Variants in EPHA5 observed in about 807,000 individuals in gnomAD.
EPHA5 encodes ephrin type-A receptor 5.
A neutral mutation model predicts 105.0 loss-of-function variants in EPHA5; 60 were observed. The ratio of observed to expected loss-of-function variants is 0.57; its 90% CI spans 0.46 to 0.71. The LOEUF (loss-of-function observed/expected upper bound fraction) is 0.71, where lower values mean the gene tolerates loss of function less well. Among genes scored for constraint, EPHA5 ranks in the 30% least tolerant of loss-of-function variants. The pLI, the probability that EPHA5 is intolerant of heterozygous loss-of-function variation, is 0.00. For missense variants in EPHA5, 1,218 were observed against 1,274.7 expected (o/e 0.96, Z 0.68); for synonymous variants, 513 against 449.1 (o/e 1.14, Z -1.80).
chr4:65,556,320 AT>A (rs1374016692), intron 3 of EPHA5, among the ~76,000 whole-genome samples: 3 of 152,162 alleles, frequency 2.0e-5, no homozygotes, highest in African/African-American at 7.2e-5. Context: ...GCCAGGGGCA[AT>A]TCACCCTCTC....
At chr4:65,478,646 AT>A (rs1730060512) in intron 5 of EPHA5, among the ~76,000 whole-genome samples, 1 of 151,986 alleles carries the variant, frequency 6.6e-6, no homozygotes, top group Admixed American at 6.6e-5. Flanking sequence ...TAATTTTTGT[AT>A]TTTTAGTAGA....
At chr4:65,511,680 G>T (rs953441167) in intron 3 of EPHA5, among the ~76,000 whole-genome samples, 4 of 152,110 alleles carry the variant, frequency 2.6e-5, no homozygotes. Flanking sequence ...GAAAAGTTTT[G>T]TAAATCTTAG....
chr4:65,492,993 G>GTT (rs4075740), intron 4 of EPHA5, among the ~76,000 whole-genome samples: 3 of 150,020 alleles, frequency 2.0e-5, no homozygotes, highest in African/African-American at 4.9e-5. Context: ...GTTTTGTTTT[G>GTT]TTTTTTAATT....
rs575608289 is a variant in EPHA5, at chr4:65,418,862, C to CTTTTT, written c.1527+1574_1527+1578dup. Reference sequence around the variant, plus strand: ...AACATTCAATACACTTACCTAAACTCTTTTTTTTTTTTTTTTTTTTTTTTT... The same window carrying CTTTTT: ...AACATTCAATACACTTACCTAAACTCTTTTTTTTTTTTTTTTTTTTTTTTTTTTTT... On this transcript the variant is annotated intron_variant, in intron 6 of 16. Coordinates refer to ENST00000613740, the MANE Select transcript of EPHA5 (RefSeq NM_001281766.3). Among the ~76,000 whole-genome samples the CTTTTT allele has an allele frequency of 3.4e-3, 158 of 47,082 alleles. 18 individuals are homozygous for CTTTTT. Among genetic ancestry groups the CTTTTT allele is most frequent in the African/African-American group, 6.9e-3 (63 of 9,090 alleles). 30.9% of individuals were successfully genotyped at this position (47,082 alleles called of 152,430 possible).
At chr4:65,565,450 C>T (rs1202361439) in intron 3 of EPHA5, among the ~76,000 whole-genome samples, 2 of 151,540 alleles carry the variant, frequency 1.3e-5, no homozygotes, top group Non-Finnish European at 3.0e-5. Flanking sequence ...AAATGTTTTT[C>T]AGTAAAATTT....
chr4:65,352,850 G>T (rs961227179), intron 12 of EPHA5, among the ~76,000 whole-genome samples, 192 bp downstream of exon 12: 3 of 147,372 alleles, frequency 2.0e-5, no homozygotes, highest in Non-Finnish European at 4.5e-5. Context: ...TTGGATTTGT[G>T]TGAGTTTTCT....
chr4:65,604,527 G>A (rs1396654981), intron 2 of EPHA5, among the ~76,000 whole-genome samples: 2 of 152,020 alleles, frequency 1.3e-5, no homozygotes, highest in East Asian at 3.8e-4. Context: ...AATAATTATG[G>A]CCATAAGCCA....
At chr4:65,357,933 G>T (rs538951539) in intron 11 of EPHA5, among the ~76,000 whole-genome samples, 1 of 151,286 alleles carries the variant, frequency 6.6e-6, no homozygotes, top group Non-Finnish European at 1.5e-5. Context: ...AGAATATGCC[G>T]TTCCTGGTAA....
chr4:65,351,387 A>C lies in EPHA5; in HGVS notation c.2445+2T>G. 6.2e-7 allele frequency: 1 copy of C among 1,613,324 alleles called. No homozygotes were observed. Among genetic ancestry groups the C allele is most frequent in the Non-Finnish European group, 8.5e-7 (1 of 1,179,520 alleles). On this transcript the variant is annotated splice_donor_variant, in intron 13 of 16. Transcript: ENST00000613740. LOFTEE classifies it high-confidence loss of function. ...TTAGAAATGCACTCTGTTAGATCTT[A>C]CCCTTGTGGTGTAGGCTGCCTCGGG...
At chr4:65,619,387 C>T (rs757226200) in intron 2 of EPHA5, among the ~76,000 whole-genome samples, 18 of 151,996 alleles carry the variant, frequency 1.2e-4, no homozygotes, top group Non-Finnish European at 1.9e-4. Context: ...TACATTTAGG[C>T]ATTTTTAAAA....
At chr4:65,449,501 T>C (rs981091106) in intron 5 of EPHA5, among the ~76,000 whole-genome samples, 3 of 152,130 alleles carry the variant, frequency 2.0e-5, no homozygotes, top group African/African-American at 4.8e-5. Flanking sequence ...AAGATTGTCA[T>C]AGAACAAGAA....
chr4:65,476,400 G>T (rs1729825226), intron 5 of EPHA5, among the ~76,000 whole-genome samples: 1 of 151,808 alleles, frequency 6.6e-6, no homozygotes, highest in Non-Finnish European at 1.5e-5. Flanking sequence ...ACACTACACA[G>T]CCACAAAAAA....
intron 3 of EPHA5, among the ~76,000 whole-genome samples, chr4:65,548,964 C>G (rs1287015866): frequency 6.6e-6 from 1 of 152,126 alleles, no homozygotes; most frequent in African/African-American, 2.4e-5. Context: ...AATTATTTGC[C>G]TCTAACCTAG....
intron 4 of EPHA5, among the ~76,000 whole-genome samples, chr4:65,493,681 A>G (rs1173070727): frequency 1.3e-5 from 2 of 152,134 alleles, no homozygotes; most frequent in African/African-American, 4.8e-5. Flanking sequence ...ACACACCTGG[A>G]AACTGAGAAA....
chr4:65,494,636 C>G (rs1731736338), intron 4 of EPHA5, among the ~76,000 whole-genome samples: 1 of 152,174 alleles, frequency 6.6e-6, no homozygotes. Context: ...GTGGCTATAT[C>G]TACTGCAAAT....
Position 65,366,364 on chromosome 4 carries a change from C to T in EPHA5, c.1862-307G>A, listed in dbSNP as rs566370045. Among the ~76,000 whole-genome samples, 22 of 151,888 alleles carry T rather than the reference C, an allele frequency of 1.4e-4. No homozygotes were observed. In the East Asian group the frequency reaches 3.7e-3, roughly 25 times the overall value. ...ATGTTATTCACCGAACTGGACAATG[C>T]AATACTAGTGCTTAATTTGCTGGTT... On this transcript the variant is annotated intron_variant, in intron 9 of 16. Coordinates refer to ENST00000613740, the MANE Select transcript of EPHA5 (RefSeq NM_001281766.3).
chr4:65,661,135 T>A (rs1749523689), intron 1 of EPHA5, among the ~76,000 whole-genome samples: 1 of 152,178 alleles, frequency 6.6e-6, no homozygotes, highest in Non-Finnish European at 1.5e-5. Context: ...TGAGTTGAAG[T>A]TTAAAATAAA....
At chr4:65,335,162 C>T (rs1054137610) in intron 15 of EPHA5, among the ~76,000 whole-genome samples, 1 of 151,922 alleles carries the variant, frequency 6.6e-6, no homozygotes, top group Admixed American at 6.6e-5. Context: ...ATAACACTTT[C>T]TTGTAAAAAT....
chr4:65,491,198 T>G, intron 4 of EPHA5, among the ~76,000 whole-genome samples: 1 of 151,002 alleles, frequency 6.6e-6, no homozygotes, highest in African/African-American at 2.4e-5. Flanking sequence ...AAAAAAAACC[T>G]TAGCATGCTT....
Sources: allele counts gnomAD v4.1 joint callset (sites outside exome capture counted in the v4.1 genomes callset), GRCh38; gene constraint gnomAD v4.1.1; transcripts MANE v1.5; gene names NCBI Gene and HGNC (gene_info 2026-07-23, HGNC 2026-07-21).